The following PLXNA4 variants were observed in gnomAD, a reference collection of about 807,000 sequenced individuals.
The protein encoded by PLXNA4 is plexin-A4.
A neutral mutation model predicts 191.8 loss-of-function variants in PLXNA4; 44 were observed. The ratio of observed to expected loss-of-function variants is 0.23; its 90% CI spans 0.18 to 0.29. The LOEUF is 0.29. PLXNA4 is among the 10% of genes least tolerant of loss of function. The pLI is 1.00. For synonymous variants in PLXNA4, 1,082 were observed against 1,009.5 expected (o/e 1.07, Z -1.36); for missense variants, 1,800 against 2,488.8 (o/e 0.72, Z 5.89).
In PLXNA4 at chr7:132,413,083, A is replaced by G. The variant is rs1027556838; in HGVS notation, c.1371+76209T>C. Among the ~76,000 whole-genome samples, 4 of 152,308 alleles carry G rather than the reference A, an allele frequency of 2.6e-5. No homozygotes were observed. In the East Asian group the frequency reaches 7.7e-4, roughly 29 times the overall value. On this transcript the variant is annotated intron_variant, in intron 3 of 31. Transcript: ENST00000321063. ...AAGGCATGCTGTTCTTATACAGTTCATTCCCGACACTGTCTCAAGCATTAA... is the reference window on the plus strand; with the variant it reads ...AAGGCATGCTGTTCTTATACAGTTCGTTCCCGACACTGTCTCAAGCATTAA...
chr7:132,544,183 A>T (rs1010826719), intron 1 of PLXNA4, among the ~76,000 whole-genome samples: 1 of 152,206 alleles, frequency 6.6e-6, no homozygotes, highest in Non-Finnish European at 1.5e-5. Flanking sequence ...CAACCCACCC[A>T]TCCTCTTTTT....
chr7:132,647,268 CATAT>C (rs1004555036), intron 1 of PLXNA4, among the ~76,000 whole-genome samples: 1 of 151,776 alleles, frequency 6.6e-6, no homozygotes, highest in African/African-American at 2.4e-5. Context: ...TGCAGTCACA[CATAT>C]ATATACATTC....
chr7:132,178,916 A>G (rs1280040210), intron 20 of PLXNA4, among the ~76,000 whole-genome samples: 12 of 121,914 alleles, frequency 9.8e-5, no homozygotes, highest in African/African-American at 2.8e-4. Flanking sequence ...GCTTGCTTGT[A>G]AATGAAACAC....
At chr7:132,570,987 C>T (rs759379781) in intron 1 of PLXNA4, among the ~76,000 whole-genome samples, 6 of 152,142 alleles carry the variant, frequency 3.9e-5, no homozygotes, top group Non-Finnish European at 5.9e-5. Context: ...TGAAATTCCA[C>T]GTGCACCCCT....
At chr7:132,497,436 G>C (rs535435041) in intron 2 of PLXNA4, among the ~76,000 whole-genome samples, 1 of 152,304 alleles carries the variant, frequency 6.6e-6, no homozygotes, top group African/African-American at 2.4e-5. Context: ...TACCTCCTCA[G>C]GGGTAGAGGT....
At chr7:132,373,429 T>C (rs1804526196) in intron 3 of PLXNA4, among the ~76,000 whole-genome samples, 1 of 152,188 alleles carries the variant, frequency 6.6e-6, no homozygotes, top group Non-Finnish European at 1.5e-5. Flanking sequence ...GCTCTGGATG[T>C]GCATAGGTTA....
intron 4 of PLXNA4, among the ~76,000 whole-genome samples, chr7:132,244,311 C>T (rs982211612): frequency 5.3e-5 from 8 of 152,294 alleles, no homozygotes; most frequent in African/African-American, 1.9e-4. Context: ...TCAGCCTCAT[C>T]TCACTTGTTT....
intron 3 of PLXNA4, chr7:132,385,354 C>A: frequency 6.5e-7 from 1 of 1,526,920 alleles, no homozygotes; most frequent in Non-Finnish European, 8.8e-7. Flanking sequence ...TGCCCATAAG[C>A]CTCCTTATTC....
intron 1 of PLXNA4, among the ~76,000 whole-genome samples, chr7:132,516,220 T>TTTTATTTA (rs58035948): frequency 0.028 from 4,175 of 148,264 alleles, 66 homozygotes; most frequent in East Asian, 0.04. Flanking sequence ...CATTTTGTCC[T>TTTTATTTA]TTTATTTATT....
chr7:132,473,610 G>A (rs1797009511), intron 3 of PLXNA4, among the ~76,000 whole-genome samples: 1 of 152,118 alleles, frequency 6.6e-6, no homozygotes, highest in Non-Finnish European at 1.5e-5. Flanking sequence ...AAAAAGAGTG[G>A]TTCGTATCAC....
At chr7:132,468,258 C>T (rs1269234359) in intron 3 of PLXNA4, among the ~76,000 whole-genome samples, 2 of 151,876 alleles carry the variant, frequency 1.3e-5, no homozygotes, top group African/African-American at 4.8e-5. Flanking sequence ...AACACACATA[C>T]ACACACAGAC....
chr7:132,151,608 GAGGGGGAGA>G (rs1458198024), intron 25 of PLXNA4, among the ~76,000 whole-genome samples: 1 of 149,360 alleles, frequency 6.7e-6, no homozygotes, highest in East Asian at 2.0e-4. Flanking sequence ...GAGGGAGAGG[GAGGGGGAGA>G]AGGGGAAGGA....
chr7:132,637,715 G>A (rs1803637309), intron 2 of PLXNA4, among the ~76,000 whole-genome samples: 1 of 152,166 alleles, frequency 6.6e-6, no homozygotes, highest in Non-Finnish European at 1.5e-5. Flanking sequence ...CCATCAACAA[G>A]CAAATAACTG....
chr7:132,210,850 T>G (rs1404644658), intron 10 of PLXNA4, 93 bp downstream of exon 10: 1 of 1,406,654 alleles, frequency 7.1e-7, no homozygotes, highest in Admixed American at 1.8e-5. Flanking sequence ...AGGAAACGAC[T>G]GCAGGGCTGA....
chr7:132,457,243 T>C (rs778454389), intron 3 of PLXNA4, among the ~76,000 whole-genome samples: 4 of 152,224 alleles, frequency 2.6e-5, no homozygotes, highest in Non-Finnish European at 5.9e-5. Context: ...TTCATCAGTT[T>C]TTCCACTAAT....
At chr7:132,356,636 G>T (rs1184238425) in intron 3 of PLXNA4, among the ~76,000 whole-genome samples, 1 of 152,234 alleles carries the variant, frequency 6.6e-6, no homozygotes, top group Non-Finnish European at 1.5e-5. Flanking sequence ...TACGGCAGGA[G>T]TATTATGGAC....
intron 1 of PLXNA4, among the ~76,000 whole-genome samples, chr7:132,553,611 T>G (rs1396472449): frequency 2.0e-5 from 3 of 152,156 alleles, no homozygotes; most frequent in South Asian, 4.1e-4. Context: ...CTCCCTCCAT[T>G]GACGTGCTAA....
chr7:132,377,097 A>T (rs1272301098), intron 3 of PLXNA4, among the ~76,000 whole-genome samples: 1 of 152,204 alleles, frequency 6.6e-6, no homozygotes, highest in African/African-American at 2.4e-5. Context: ...CTATGAGGCA[A>T]TTGGATCTCT....
At chr7:132,262,103 C>T (rs953838154) in intron 4 of PLXNA4, among the ~76,000 whole-genome samples, 5 of 152,174 alleles carry the variant, frequency 3.3e-5, no homozygotes, top group African/African-American at 1.2e-4. Flanking sequence ...CCCCGGGTTG[C>T]CCCCCTTTCC....
Sources: allele counts gnomAD v4.1 joint callset (sites outside exome capture counted in the v4.1 genomes callset), GRCh38; gene constraint gnomAD v4.1.1; transcripts MANE v1.5; gene names NCBI Gene and HGNC (gene_info 2026-07-23, HGNC 2026-07-21).